The following OSBPL3 variants were observed in gnomAD, a reference collection of about 807,000 sequenced individuals.
OSBPL3 encodes the protein oxysterol binding protein like 3, also known as oxysterol-binding protein-related protein 3.
OSBPL3 carries 65 observed loss-of-function variants against 120.1 expected under a neutral mutation model. The observed-to-expected ratio is 0.54, with a 90% confidence interval of 0.44 to 0.67. The LOEUF (loss-of-function observed/expected upper bound fraction) is 0.67, where lower values mean the gene tolerates loss of function less well. Ranked by LOEUF, OSBPL3 falls within the 30% of genes least tolerant of loss-of-function variation. The pLI, the probability that OSBPL3 is intolerant of heterozygous loss-of-function variation, is 0.00. For synonymous variants in OSBPL3, 416 were observed against 402.6 expected, an observed-to-expected ratio of 1.03 and a Z score of -0.40; for missense variants, 1,004 against 1,082.1, an observed-to-expected ratio of 0.93 and a Z score of 1.01.
intron 2 of OSBPL3, among the ~76,000 whole-genome samples, chr7:24,882,146 T>A (rs1276819644): frequency 2.0e-5 from 3 of 152,222 alleles, no homozygotes; most frequent in African/African-American, 7.2e-5. Flanking sequence ...AGGGTACCTG[T>A]GCAATTTTCT....
intron 10 of OSBPL3, among the ~76,000 whole-genome samples, chr7:24,858,829 A>T (rs1562838024): frequency 1.3e-5 from 2 of 152,328 alleles, no homozygotes; most frequent in East Asian, 3.8e-4. Context: ...CCTGCTGAGG[A>T]GGCAGCTTCT....
At chr7:24,911,763 G>A (rs134) in intron 1 of OSBPL3, among the ~76,000 whole-genome samples, 37,816 of 152,102 alleles carry the variant, frequency 0.25, 5,018 homozygotes, top group East Asian at 0.37. Flanking sequence ...AGGGATACAG[G>A]AAGTTTTACT....
At chr7:24,826,055 T>C (rs919194434) in intron 16 of OSBPL3, among the ~76,000 whole-genome samples, 13 of 152,302 alleles carry the variant, frequency 8.5e-5, no homozygotes, top group African/African-American at 1.9e-4. Flanking sequence ...AAAAGGAACA[T>C]AGCCAACTGA....
rs542995802 is a variant in OSBPL3, at chr7:24,822,449, T to C, written c.1885-2211A>G. ...ACACTATCTATAATAATAATAACCA[T>C]TAATCAGCTCAAGACAATCCCCACT... On this transcript the variant is annotated intron_variant, in intron 16 of 22. Transcript: ENST00000313367. This position sits in a 1 kb window ranked among gnomAD's most constrained non-coding sequence, Gnocchi z 5.8. Among the ~76,000 whole-genome samples, 1 of 152,128 alleles carries C rather than the reference T, an allele frequency of 6.6e-6. No homozygotes were observed. The highest frequency in any genetic ancestry group is 2.1e-4 in the South Asian group (1 of 4,806).
chr7:24,965,908 C>A lies in OSBPL3; in HGVS notation c.-150+13978G>T, dbSNP rs1816323888. ...ACTCTGACACTGCTGAGGTTTAGAA[C>A]CACTTCCCTCAAGGGTGTGTCCCAT... On this transcript the variant is annotated intron_variant, in intron 1 of 22. Coordinates refer to ENST00000313367, the MANE Select transcript of OSBPL3 (RefSeq NM_015550.4). This position sits in a 1 kb window ranked among gnomAD's most constrained non-coding sequence, Gnocchi z 4.3. Among the ~76,000 whole-genome samples, 3 of 152,190 alleles carry A rather than the reference C, an allele frequency of 2.0e-5. 1 individual carries two copies. The highest frequency in any genetic ancestry group is 7.2e-5 in the African/African-American group (3 of 41,434).
chr7:24,860,180 A>C (rs1042339897), intron 10 of OSBPL3, among the ~76,000 whole-genome samples: 3 of 152,320 alleles, frequency 2.0e-5, no homozygotes, highest in Non-Finnish European at 1.5e-5. Context: ...CCAGCACCAC[A>C]ATCAGGATAC....
intron 1 of OSBPL3, among the ~76,000 whole-genome samples, chr7:24,954,916 T>G (rs1814860200): frequency 6.6e-6 from 1 of 152,126 alleles, no homozygotes; most frequent in Non-Finnish European, 1.5e-5. Flanking sequence ...CTGACAGTAC[T>G]AAAGGAATGG....
At chr7:24,931,349 T>C (rs1038173036) in intron 1 of OSBPL3, among the ~76,000 whole-genome samples, 28 of 152,222 alleles carry the variant, frequency 1.8e-4, no homozygotes, top group African/African-American at 6.5e-4. Context: ...CCAGAAGCAC[T>C]GAATGTACCT....
rs1222220974 is a variant in OSBPL3 at position 24,804,522 on chromosome 7, G to T, written c.2445-85C>A. On this transcript the variant is annotated intron_variant, in intron 21 of 22. Transcript: ENST00000313367. This position sits in a 1 kb window ranked among gnomAD's most constrained non-coding sequence, Gnocchi z 5.4. ...TACTACTCAACTTGCATGTGTCCAC[G>T]ACTGGATATTCAAAATCCTCTCCTA... is the stretch of plus-strand genomic sequence containing the variant. The T allele has an allele frequency of 2.3e-6, 3 of 1,307,200 alleles. No homozygotes were observed. The highest frequency in any genetic ancestry group is 3.2e-6 in the Non-Finnish European group (3 of 936,654). 81.0% of individuals were successfully genotyped at this position (1,307,200 alleles called of 1,614,324 possible).
intron 1 of OSBPL3, among the ~76,000 whole-genome samples, chr7:24,901,327 G>GCA (rs1806990520): frequency 6.6e-6 from 1 of 151,744 alleles, no homozygotes; most frequent in African/African-American, 2.4e-5. Flanking sequence ...ACTCCAGCCT[G>GCA]GGTGACAGAG....
chr7:24,842,227 C>T, intron 13 of OSBPL3, 52 bp downstream of exon 13: 1 of 1,577,834 alleles, frequency 6.3e-7, no homozygotes, highest in Non-Finnish European at 8.6e-7. Flanking sequence ...GATTAATCAG[C>T]AAAGCAACAA....
rs1816198158 is a variant in OSBPL3 at position 24,964,870 on chromosome 7, G to A, written c.-150+15016C>T. 6.6e-6 allele frequency among the ~76,000 whole-genome samples: 1 copy of A among 152,344 alleles called. No homozygotes were observed. Among genetic ancestry groups the A allele is most frequent in the South Asian group, 2.1e-4 (1 of 4,824 alleles). ...TAAAAGTTGTTTTGTGTTGGGGGCTGTGATTAAAATAAGTAAAGTTGGACA... is the reference window on the plus strand; with the variant it reads ...TAAAAGTTGTTTTGTGTTGGGGGCTATGATTAAAATAAGTAAAGTTGGACA... On this transcript the variant is annotated intron_variant, in intron 1 of 22. Transcript: ENST00000313367. This position sits in a 1 kb window ranked among gnomAD's most constrained non-coding sequence, Gnocchi z 4.2.
intron 19 of OSBPL3, among the ~76,000 whole-genome samples, chr7:24,812,137 T>C (rs539698482): frequency 6.6e-6 from 1 of 151,826 alleles, no homozygotes; most frequent in South Asian, 2.1e-4. Flanking sequence ...TGAAACCCCA[T>C]CTCTACTAAA....
Position 24,805,974 on chromosome 7 carries a change from G to C in OSBPL3, c.2444+802C>G, listed in dbSNP as rs1202176503. Among the ~76,000 whole-genome samples, 1 of 152,070 alleles carries C rather than the reference G, an allele frequency of 6.6e-6. No homozygotes were observed. Among genetic ancestry groups the C allele is most frequent in the African/African-American group, 2.4e-5 (1 of 41,394 alleles). ...GGGCTTAAGTTTGTTTGTTTTGTGG[G>C]GGTGTGAGTTCTCACTGAGACACTC... On this transcript the variant is annotated intron_variant, in intron 21 of 22. Coordinates refer to ENST00000313367, the MANE Select transcript of OSBPL3 (RefSeq NM_015550.4). The surrounding 1 kb of genome is among the most constrained non-coding windows in gnomAD (Gnocchi z 4.0).
chr7:24,960,227 A>G (rs1815563871), intron 1 of OSBPL3, among the ~76,000 whole-genome samples: 1 of 152,176 alleles, frequency 6.6e-6, no homozygotes, highest in Non-Finnish European at 1.5e-5. Flanking sequence ...GAATAGAGGG[A>G]AACTAAGAGA....
chr7:24,863,144 G>A lies in OSBPL3; in HGVS notation c.870+56C>T, dbSNP rs935845408. The A allele has an allele frequency of 1.2e-5, 15 of 1,256,544 alleles. No individual in the cohort carries two copies. Among genetic ancestry groups the A allele is most frequent in the Non-Finnish European group, 1.5e-5 (13 of 853,864 alleles). 77.8% of individuals were successfully genotyped at this position (1,256,544 alleles called of 1,614,324 possible). On this transcript the variant is annotated intron_variant, in intron 9 of 22. Coordinates refer to ENST00000313367, the MANE Select transcript of OSBPL3 (RefSeq NM_015550.4). This position sits in a 1 kb window ranked among gnomAD's most constrained non-coding sequence, Gnocchi z 5.8. ...TGAGTCAAGGTAGCTGCTGGCACAC[G>A]GCATGCAGAGCAGGGCCAATGAAGA...
chr7:24,861,641 T>C lies in OSBPL3; in HGVS notation c.999A>G (p.Gln333=), dbSNP rs1259534744. 1.2e-6 allele frequency: 2 copies of C among 1,605,628 alleles called. No homozygotes were observed. Among genetic ancestry groups the C allele is most frequent in the East Asian group, 2.2e-5 (1 of 44,744 alleles). Reference sequence around the variant, plus strand: ...TATGGGCAATATGACACAGATCTTCTTGCATTTTAGAAAACTCTGATGAGG... The same window carrying C: ...TATGGGCAATATGACACAGATCTTCCTGCATTTTAGAAAACTCTGATGAGG... ...SETSSEFSKM[Q]EDLCHIAHKV... The change falls in exon 10 of 23, where the codon CAA becomes CAG. Residue 333 remains glutamine, a synonymous_variant. Coordinates refer to ENST00000313367, the MANE Select transcript of OSBPL3 (RefSeq NM_015550.4).
chr7:24,836,279 C>T (rs79453211), intron 14 of OSBPL3, among the ~76,000 whole-genome samples: 3,389 of 152,262 alleles, frequency 0.022, 88 homozygotes, highest in East Asian at 0.13. Context: ...GAGGCCTCTT[C>T]AGGCTTGTCA....
rs921160635 is a variant in OSBPL3 at position 24,851,834 on chromosome 7, A to T, written c.1158+670T>A. 1.3e-5 allele frequency among the ~76,000 whole-genome samples: 2 copies of T among 152,148 alleles called. No individual in the cohort carries two copies. Among genetic ancestry groups the T allele is most frequent in the African/African-American group, 4.8e-5 (2 of 41,428 alleles). On this transcript the variant is annotated intron_variant, in intron 11 of 22. Transcript: ENST00000313367. This position sits in a 1 kb window ranked among gnomAD's most constrained non-coding sequence, Gnocchi z 4.1. Reference sequence around the variant, plus strand: ...GGAATTAATTGAAACTGATGAAAAAAGGAGAGAGAATGAGTGACAATGGCT... The same window carrying T: ...GGAATTAATTGAAACTGATGAAAAATGGAGAGAGAATGAGTGACAATGGCT...
Sources: allele counts gnomAD v4.1 joint callset (sites outside exome capture counted in the v4.1 genomes callset), GRCh38; gene constraint gnomAD v4.1.1; non-coding constraint Gnocchi (gnomAD v3.1); transcripts MANE v1.5; gene names NCBI Gene and HGNC (gene_info 2026-07-23, HGNC 2026-07-21).